SEMA5A: variants seen among roughly 807,000 people sequenced by gnomAD.
SEMA5A encodes the protein semaphorin-5A.
SEMA5A carries 55 observed loss-of-function variants against 135.5 expected under a neutral mutation model. The ratio of observed to expected loss-of-function variants is 0.41; its 90% CI spans 0.33 to 0.51. The LOEUF (loss-of-function observed/expected upper bound fraction) is 0.51, where lower values mean the gene tolerates loss of function less well. Ranked by LOEUF, SEMA5A falls within the 20% of genes least tolerant of loss-of-function variation. The probability of loss-of-function intolerance (pLI) is 0.37; values close to 1 mark genes in which losing one functional copy is unlikely to be tolerated. For synonymous variants in SEMA5A, 580 were observed against 546.5 expected, an observed-to-expected ratio of 1.06 and a Z score of -0.85; for missense variants, 1,290 against 1,419.9, an observed-to-expected ratio of 0.91 and a Z score of 1.47.
At chr5:9,152,377 C>T (rs1283980187) in intron 12 of SEMA5A, among the ~76,000 whole-genome samples, 1 of 152,198 alleles carries the variant, frequency 6.6e-6, no homozygotes, top group East Asian at 1.9e-4. Context: ...ATAATTCCTT[C>T]CCTAGGCTAG....
At chr5:9,191,833 T>C (rs894940860) in intron 10 of SEMA5A, among the ~76,000 whole-genome samples, 1 of 151,942 alleles carries the variant, frequency 6.6e-6, no homozygotes, top group Admixed American at 6.6e-5. Flanking sequence ...AGCCCTGCCA[T>C]GACCCAAGTG....
intron 8 of SEMA5A, among the ~76,000 whole-genome samples, chr5:9,216,653 T>A (rs1411876937): frequency 6.6e-6 from 1 of 152,186 alleles, no homozygotes; most frequent in South Asian, 2.1e-4. Context: ...AACTTATGAA[T>A]CTGGGTGCTA....
chr5:9,368,853 T>C (rs1207885489), intron 3 of SEMA5A, among the ~76,000 whole-genome samples: 1 of 152,246 alleles, frequency 6.6e-6, no homozygotes, highest in African/African-American at 2.4e-5. Flanking sequence ...TATAAACCCT[T>C]GGATACAAAT....
At chr5:9,526,527 A>G (rs1184856451) in intron 1 of SEMA5A, among the ~76,000 whole-genome samples, 1 of 152,214 alleles carries the variant, frequency 6.6e-6, no homozygotes, top group Admixed American at 6.5e-5. Flanking sequence ...CTACTTAGAG[A>G]GACTGACCTA....
At chr5:9,491,915 TACAG>T (rs1448666116) in intron 1 of SEMA5A, among the ~76,000 whole-genome samples, 1 of 152,192 alleles carries the variant, frequency 6.6e-6, no homozygotes, top group Non-Finnish European at 1.5e-5. Flanking sequence ...GTCCTCAACT[TACAG>T]ACAAACACAA....
At chr5:9,058,141 A>G (rs1258999938) in intron 18 of SEMA5A, among the ~76,000 whole-genome samples, 7 of 152,152 alleles carry the variant, frequency 4.6e-5, no homozygotes, top group Non-Finnish European at 1.0e-4. Context: ...TGCTATGTGA[A>G]CTATATTGGA....
intron 8 of SEMA5A, among the ~76,000 whole-genome samples, chr5:9,216,515 G>A (rs1746638514): frequency 1.3e-5 from 2 of 152,250 alleles, no homozygotes; most frequent in South Asian, 2.1e-4. Flanking sequence ...TTGGTTCAAT[G>A]TTGAATTCAG....
intron 12 of SEMA5A, among the ~76,000 whole-genome samples, chr5:9,147,113 G>A (rs905008623): frequency 3.3e-5 from 5 of 152,062 alleles, no homozygotes; most frequent in South Asian, 2.1e-4. Flanking sequence ...TATTAACTCC[G>A]GCTTTTAAAA....
intron 3 of SEMA5A, among the ~76,000 whole-genome samples, chr5:9,346,787 G>A (rs2150740674): frequency 6.6e-6 from 1 of 152,260 alleles, no homozygotes; most frequent in South Asian, 2.1e-4. Context: ...GAGTAAATGA[G>A]GCATCCCTAT....
intron 1 of SEMA5A, among the ~76,000 whole-genome samples, chr5:9,458,196 C>G (rs569618115): frequency 6.6e-6 from 1 of 151,250 alleles, no homozygotes; most frequent in African/African-American, 2.4e-5. Flanking sequence ...CGTGAGCCAC[C>G]GCGCCTGGCC....
At chr5:9,119,288 G>A (rs1487208054) in intron 14 of SEMA5A, 147 bp from the exon 15 acceptor site, 2 of 900,512 alleles carry the variant, frequency 2.2e-6, no homozygotes, top group Admixed American at 5.6e-5. Context: ...GGGACTGAAT[G>A]GACTGCACCC....
chr5:9,468,996 T>G (rs1413447682), intron 1 of SEMA5A, among the ~76,000 whole-genome samples: 1 of 152,088 alleles, frequency 6.6e-6, no homozygotes, highest in Non-Finnish European at 1.5e-5. Flanking sequence ...GCAATGGATT[T>G]TTTTGTTTTG....
chr5:9,208,259 A>G (rs1235658704), intron 8 of SEMA5A, among the ~76,000 whole-genome samples: 1 of 130,720 alleles, frequency 7.6e-6, no homozygotes, highest in East Asian at 2.2e-4. Flanking sequence ...TGCATTCCGT[A>G]TATCAAATTA....
intron 6 of SEMA5A, among the ~76,000 whole-genome samples, chr5:9,227,786 G>A (rs1180434424): frequency 4.6e-5 from 7 of 152,242 alleles, no homozygotes; most frequent in South Asian, 2.1e-4. Flanking sequence ...TCTTGACCTC[G>A]TGATCTACCT....
At chr5:9,123,157 G>A (rs1740908380) in intron 13 of SEMA5A, among the ~76,000 whole-genome samples, 1 of 149,778 alleles carries the variant, frequency 6.7e-6, no homozygotes. Flanking sequence ...AGGAGGCTGA[G>A]GCAGGAGAAT....
intron 11 of SEMA5A, among the ~76,000 whole-genome samples, chr5:9,176,220 T>A (rs534929147): frequency 8.7e-4 from 132 of 152,152 alleles, no homozygotes; most frequent in Non-Finnish European, 1.6e-3. Flanking sequence ...TCCTTGCTGG[T>A]TGCATAGAGT....
chr5:9,271,742 G>A (rs1450423815), intron 5 of SEMA5A, among the ~76,000 whole-genome samples: 1 of 152,134 alleles, frequency 6.6e-6, no homozygotes, highest in East Asian at 1.9e-4. Context: ...AAAGCAGGGT[G>A]GGGCATCACT....
At chr5:9,236,021 T>A (rs1747889029) in intron 6 of SEMA5A, among the ~76,000 whole-genome samples, 1 of 152,084 alleles carries the variant, frequency 6.6e-6, no homozygotes, top group Non-Finnish European at 1.5e-5. Context: ...GCAGGGGAAC[T>A]CCCCTTTAAA....
chr5:9,401,167 A>G (rs1197014179), intron 2 of SEMA5A, among the ~76,000 whole-genome samples: 1 of 152,194 alleles, frequency 6.6e-6, no homozygotes, highest in Non-Finnish European at 1.5e-5. Context: ...CTTTTTCAGT[A>G]CTGGTCATTC....
Sources: gnomAD v4.1 joint callset for allele counts (sites outside exome capture counted in the v4.1 genomes callset) on GRCh38, gnomAD v4.1.1 for gene constraint, MANE v1.5 for transcripts, NCBI Gene and HGNC (gene_info 2026-07-23, HGNC 2026-07-21) for gene names.